The following PPIP5K2 variants were observed in gnomAD, a reference collection of about 807,000 sequenced individuals.
The protein encoded by PPIP5K2 is inositol hexakisphosphate and diphosphoinositol-pentakisphosphate kinase 2.
PPIP5K2 carries 105 observed loss-of-function variants against 154.6 expected under a neutral mutation model. The ratio of observed to expected loss-of-function variants is 0.68; its 90% CI spans 0.58 to 0.80. The LOEUF is 0.80. PPIP5K2 is among the 30% of genes least tolerant of loss of function. PPIP5K2 has a pLI of 0.00. For missense variants in PPIP5K2, 992 were observed against 1,504.6 expected (o/e 0.66, Z 5.64); for synonymous variants, 480 against 490.3 (o/e 0.98, Z 0.28).
intron 29 of PPIP5K2, among the ~76,000 whole-genome samples, chr5:103,193,369 A>G (rs1185800335): frequency 6.6e-6 from 1 of 152,012 alleles, no homozygotes; most frequent in Non-Finnish European, 1.5e-5. Context: ...ATACAATTAT[A>G]TTCATTTTGT....
intron 14 of PPIP5K2, among the ~76,000 whole-genome samples, chr5:103,156,457 C>T (rs1378384447): frequency 6.6e-6 from 1 of 152,050 alleles, no homozygotes; most frequent in Non-Finnish European, 1.5e-5. Context: ...GTTTGGTCTC[C>T]TAAGAGCAGT....
At chr5:103,130,743 C>T (rs1473274294) in intron 2 of PPIP5K2, among the ~76,000 whole-genome samples, 3 of 152,094 alleles carry the variant, frequency 2.0e-5, no homozygotes, top group Non-Finnish European at 2.9e-5. Flanking sequence ...GAAAGCAGAG[C>T]GTCTCTGGCT....
chr5:103,174,989 T>C (rs1798488361), intron 21 of PPIP5K2, among the ~76,000 whole-genome samples: 1 of 152,118 alleles, frequency 6.6e-6, no homozygotes, highest in South Asian at 2.1e-4. Context: ...AGAGTAATAC[T>C]ACTTGAAGTC....
intron 14 of PPIP5K2, among the ~76,000 whole-genome samples, chr5:103,157,979 A>G (rs1795677874): frequency 1.3e-5 from 2 of 152,230 alleles, no homozygotes; most frequent in Non-Finnish European, 2.9e-5. Flanking sequence ...AGTAAGATTT[A>G]AACAGGTATA....
rs140951939 is a variant in PPIP5K2 at position 103,196,011 on chromosome 5, T to A, written c.3619+986T>A. Among the ~76,000 whole-genome samples, 201 of 152,294 alleles carry A rather than the reference T, an allele frequency of 1.3e-3. 3 individuals carry two copies. The highest frequency in any genetic ancestry group is 4.3e-3 in the South Asian group (21 of 4,828). On this transcript the variant is annotated intron_variant, in intron 30 of 30. Transcript: ENST00000358359. Reference sequence around the variant, plus strand: ...GTTAATAGTACCTTCTTCATATAACTGTCAGAAATGATTGCAATCTTGTAT... The same window carrying A: ...GTTAATAGTACCTTCTTCATATAACAGTCAGAAATGATTGCAATCTTGTAT...
chr5:103,161,280 G>T (rs1796193686), intron 17 of PPIP5K2, among the ~76,000 whole-genome samples: 2 of 152,118 alleles, frequency 1.3e-5, no homozygotes, highest in African/African-American at 4.8e-5. Flanking sequence ...CCCTACAAAG[G>T]ACATTAACTC....
intron 30 of PPIP5K2, 143 bp downstream of exon 30, chr5:103,195,168 A>T (rs1554228131): frequency 7.1e-6 from 7 of 985,220 alleles, no homozygotes; most frequent in Non-Finnish European, 1.0e-5. Context: ...AAAATCGATT[A>T]TTGTAGTCAA....
At chr5:103,173,115 C>G (rs1798207055) in intron 19 of PPIP5K2, 40 bp from the exon 20 acceptor site, 1 of 1,511,664 alleles carries the variant, frequency 6.6e-7, no homozygotes, top group African/African-American at 1.4e-5. Context: ...AGTACTTTGT[C>G]ATTATATCCT....
rs114094163 is a variant in PPIP5K2 at position 103,195,234 on chromosome 5, A to G, written c.3619+209A>G. Among the ~76,000 whole-genome samples the G allele has an allele frequency of 3.9e-3, 590 of 152,302 alleles. 2 individuals are homozygous for G. Among genetic ancestry groups the G allele is most frequent in the African/African-American group, 0.013 (555 of 41,566 alleles). ...TTCCCCTCTCCCCACATCTGTTAAC[A>G]AAATATATTTCACAGTCACACTTTT... On this transcript the variant is annotated intron_variant, in intron 30 of 30. Coordinates refer to ENST00000358359, the MANE Select transcript of PPIP5K2 (RefSeq NM_001276277.3).
chr5:103,150,843 C>CTTTTTTT (rs377739666), intron 8 of PPIP5K2, among the ~76,000 whole-genome samples: 7 of 68,100 alleles, frequency 1.0e-4, no homozygotes, highest in Admixed American at 1.9e-4. Context: ...GTCCATCCTC[C>CTTTTTTT]TTTTTTTTTT....
At chr5:103,196,430 T>C (rs1802100623) in intron 30 of PPIP5K2, among the ~76,000 whole-genome samples, 2 of 152,216 alleles carry the variant, frequency 1.3e-5, no homozygotes, top group Admixed American at 1.3e-4. Flanking sequence ...ATAAGTATCT[T>C]AAACATAAGT....
At chr5:103,173,091 G>A (rs1798201690) in intron 19 of PPIP5K2, 64 bp from the exon 20 acceptor site, 1 of 1,329,402 alleles carries the variant, frequency 7.5e-7, no homozygotes, top group East Asian at 2.4e-5. Context: ...TAATTTAGGA[G>A]TGTATTTTTT....
At chr5:103,122,871 A>G (rs1370790489) in intron 1 of PPIP5K2, among the ~76,000 whole-genome samples, 1 of 152,172 alleles carries the variant, frequency 6.6e-6, no homozygotes, top group Admixed American at 6.5e-5. Flanking sequence ...GGACTGATGG[A>G]TGATCCAGGG....
At chr5:103,158,669 C>T in intron 16 of PPIP5K2, 96 bp downstream of exon 16, 2 of 1,049,736 alleles carry the variant, frequency 1.9e-6, no homozygotes, top group Non-Finnish European at 2.6e-6. Context: ...CACCTGTAAT[C>T]CTAGCACTTT....
rs1014178271 is a variant in PPIP5K2 at position 103,210,920 on chromosome 5, T to C, written c.*9286T>C. ...GCCTAAATAAAATGAAATACAGTTATGGAAATATTTCTGCTGCAAGAAAAG... is the reference window on the plus strand; with the variant it reads ...GCCTAAATAAAATGAAATACAGTTACGGAAATATTTCTGCTGCAAGAAAAG... On this transcript the variant is annotated 3_prime_UTR_variant, in exon 31 of 31. Transcript: ENST00000358359. The C allele has an allele frequency of 3.9e-5, 6 of 152,146 alleles. No individual in the cohort carries two copies. The highest frequency in any genetic ancestry group is 6.5e-5 in the Admixed American group (1 of 15,270). 9.4% of individuals were successfully genotyped at this position (152,146 alleles called of 1,614,324 possible). A position where few individuals can be genotyped will look rare whatever the true frequency, so the allele number is the denominator to read the frequency against.
At chr5:103,161,512 C>T (rs1391692924) in intron 17 of PPIP5K2, among the ~76,000 whole-genome samples, 2 of 152,122 alleles carry the variant, frequency 1.3e-5, no homozygotes, top group South Asian at 2.1e-4. Context: ...ATTTCTAGTT[C>T]TAGATCCTTG....
intron 2 of PPIP5K2, among the ~76,000 whole-genome samples, chr5:103,130,146 A>C (rs1790379522): frequency 2.6e-5 from 4 of 152,198 alleles, no homozygotes; most frequent in Admixed American, 2.6e-4. Context: ...ACTCATATTT[A>C]TTAACTTCAG....
In PPIP5K2 at chr5:103,208,066, TTAGG is replaced by T. The variant is rs1554232380; in HGVS notation, c.*6438_*6441del. The T allele has an allele frequency of 1.3e-5, 2 of 151,622 alleles. No individual in the cohort carries two copies. The highest frequency in any genetic ancestry group is 2.4e-5 in the African/African-American group (1 of 41,368). The allele number at this position is 151,622 out of a possible 1,614,324, so 9.4% of individuals were successfully genotyped here. A position where few individuals can be genotyped will look rare whatever the true frequency, so the allele number is the denominator to read the frequency against. Reference sequence around the variant, plus strand: ...GTTTTTTAAAATGCAATTTCATATGTTAGGTAGGTTGGCTTTTCTTTTTCTTTTT... The same window carrying T: ...GTTTTTTAAAATGCAATTTCATATGTTAGGTTGGCTTTTCTTTTTCTTTTT... On this transcript the variant is annotated 3_prime_UTR_variant, in exon 31 of 31. Transcript: ENST00000358359.
chr5:103,174,821 G>C (rs1375863537), intron 21 of PPIP5K2, among the ~76,000 whole-genome samples: 3 of 152,092 alleles, frequency 2.0e-5, no homozygotes, highest in Non-Finnish European at 4.4e-5. Flanking sequence ...TGTAAGAAGA[G>C]TATGTAGCAT....
Sources: gnomAD v4.1 joint callset for allele counts (sites outside exome capture counted in the v4.1 genomes callset) on GRCh38, gnomAD v4.1.1 for gene constraint, MANE v1.5 for transcripts, NCBI Gene and HGNC (gene_info 2026-07-23, HGNC 2026-07-21) for gene names.